ANXA11: variants seen among roughly 807,000 people sequenced by gnomAD.
ANXA11 encodes annexin A11, also known as 56 kDa autoantigen.
ANXA11 carries 57 observed loss-of-function variants against 64.7 expected under a neutral mutation model. The observed-to-expected ratio is 0.88, with a 90% confidence interval of 0.71 to 1.10. The LOEUF is 1.10. Among genes scored for constraint, ANXA11 ranks in the 50% least tolerant of loss-of-function variants. The pLI is 0.00. For synonymous variants in ANXA11, 260 were observed against 265.2 expected, an observed-to-expected ratio of 0.98 and a Z score of 0.19; for missense variants, 675 against 670.7, an observed-to-expected ratio of 1.01 and a Z score of -0.07.
intron 8 of ANXA11, among the ~76,000 whole-genome samples, chr10:80,164,920 T>C (rs569085193): frequency 4.6e-5 from 7 of 152,352 alleles, no homozygotes; most frequent in Admixed American, 4.6e-4. Flanking sequence ...ATTGGGTTAC[T>C]ACACGTTAGC....
chr10:80,165,125 G>A (rs372111479), intron 8 of ANXA11, among the ~76,000 whole-genome samples: 2 of 152,158 alleles, frequency 1.3e-5, no homozygotes, highest in East Asian at 1.9e-4. Context: ...CTGGGGCCCC[G>A]GGCCATCGCC....
intron 4 of ANXA11, among the ~76,000 whole-genome samples, chr10:80,169,685 A>G (rs536864399): frequency 2.0e-5 from 3 of 152,236 alleles, no homozygotes; most frequent in African/African-American, 7.2e-5. Context: ...CGTGGGTCCC[A>G]TATGCAGGGT....
intron 8 of ANXA11, 72 bp downstream of exon 8, chr10:80,166,012 A>ACACGCATGCGCGCATGCG (rs1564606124): frequency 2.6e-5 from 24 of 932,340 alleles, no homozygotes; most frequent in African/African-American, 1.0e-4. Flanking sequence ...CTGTGTGTCC[A>ACACGCATGCGCGCATGCG]CACGCATGCG....
intron 1 of ANXA11, among the ~76,000 whole-genome samples, chr10:80,203,736 C>T (rs561760619): frequency 1.8e-4 from 28 of 152,336 alleles, no homozygotes; most frequent in Admixed American, 7.8e-4. Flanking sequence ...TATCCCGTCC[C>T]TCCTGCTGGG....
At position 80,184,250 on chromosome 10, in the gene ANXA11, TGCTCC is replaced by T. The variant is rs1458011927; in HGVS notation, c.-57-8100_-57-8096del. ...AACTTTAAATATAAATACATACAGA[TGCTCC>T]TTGACTTATGATAGGGTTACATCCA... is the stretch of plus-strand genomic sequence containing the variant. On this transcript the variant is annotated intron_variant, in intron 1 of 15. Coordinates refer to ENST00000422982, the MANE Select transcript of ANXA11 (RefSeq NM_145868.2). Among the ~76,000 whole-genome samples, 5 of 152,210 alleles carry T rather than the reference TGCTCC, an allele frequency of 3.3e-5. No homozygotes were observed. In the East Asian group the frequency reaches 9.6e-4, roughly 29 times the overall value.
intron 1 of ANXA11, among the ~76,000 whole-genome samples, chr10:80,183,551 C>T (rs1437763381): frequency 4.6e-5 from 7 of 152,246 alleles, no homozygotes; most frequent in Non-Finnish European, 7.3e-5. Flanking sequence ...TCACATCACA[C>T]GGGTGTGGCG....
At chr10:80,182,191 G>A (rs1846379411) in intron 1 of ANXA11, among the ~76,000 whole-genome samples, 1 of 150,930 alleles carries the variant, frequency 6.6e-6, no homozygotes, top group Non-Finnish European at 1.5e-5. Context: ...CCACTGTGGT[G>A]GGAGTGCTAA....
chr10:80,189,332 T>C (rs1157120605), intron 1 of ANXA11, among the ~76,000 whole-genome samples: 1 of 152,178 alleles, frequency 6.6e-6, no homozygotes, highest in Non-Finnish European at 1.5e-5. Context: ...CATTCACCTC[T>C]AGGGCCACCA....
rs1589414978 is a variant in ANXA11 at position 80,159,175 on chromosome 10, T to C, written c.1201A>G (p.Met401Val). ...CTCTTCTCAATGTCCCGGCCTGTCA[T>C]TCTCTGGTACTCATTGAAAACTATG... ...LVAVFNEYQR[M>V]TGRDIEKSIC... Residue 401 changes from methionine to valine, a missense_variant, in exon 13 of 16, where the codon ATG becomes GTG. Transcript: ENST00000422982. 1 of 1,614,072 alleles carries C rather than the reference T, an allele frequency of 6.2e-7. No individual in the cohort carries two copies. Among genetic ancestry groups the C allele is most frequent in the Non-Finnish European group, 8.5e-7 (1 of 1,179,940 alleles).
chr10:80,153,694 G>A lies in ANXA11; in HGVS notation c.*2159C>T, dbSNP rs1845196071. 1 of 152,372 alleles carries A rather than the reference G, an allele frequency of 6.6e-6. No individual in the cohort carries two copies. Among genetic ancestry groups the A allele is most frequent in the Admixed American group, 6.5e-5 (1 of 15,294 alleles). 9.4% of individuals were successfully genotyped at this position (152,372 alleles called of 1,614,324 possible). A position where few individuals can be genotyped will look rare whatever the true frequency, so the allele number is the denominator to read the frequency against. On this transcript the variant is annotated 3_prime_UTR_variant, in exon 16 of 16. Transcript: ENST00000422982. ...GGAGAGCAGCAGGGATGGGGCTTCAGCTTGGGCTTGAGGCATGGACTCTGA... is the reference window on the plus strand; with the variant it reads ...GGAGAGCAGCAGGGATGGGGCTTCAACTTGGGCTTGAGGCATGGACTCTGA...
At chr10:80,188,698 G>C (rs1055542104) in intron 1 of ANXA11, among the ~76,000 whole-genome samples, 9 of 146,502 alleles carry the variant, frequency 6.1e-5, no homozygotes, top group African/African-American at 2.2e-4. Flanking sequence ...ACCTACCTTG[G>C]ATTACTATGA....
intron 1 of ANXA11, among the ~76,000 whole-genome samples, chr10:80,183,127 G>C (rs1316305699): frequency 1.3e-5 from 2 of 152,204 alleles, no homozygotes; most frequent in Non-Finnish European, 2.9e-5. Flanking sequence ...ACAGTGCCCT[G>C]TGAGTGGCTA....
intron 1 of ANXA11, among the ~76,000 whole-genome samples, chr10:80,191,932 T>C (rs1269346994): frequency 1.3e-5 from 2 of 152,070 alleles, no homozygotes; most frequent in African/African-American, 4.8e-5. Context: ...AGAGAGAGGG[T>C]TGTGGCATGC....
chr10:80,203,382 C>G (rs1468130970), intron 1 of ANXA11, among the ~76,000 whole-genome samples: 1 of 152,092 alleles, frequency 6.6e-6, no homozygotes, highest in African/African-American at 2.4e-5. Flanking sequence ...ATAAAGGCGT[C>G]AGGTGAGGCT....
intron 8 of ANXA11, among the ~76,000 whole-genome samples, chr10:80,165,298 G>T (rs1274503382): frequency 2.0e-5 from 3 of 152,190 alleles, no homozygotes; most frequent in African/African-American, 7.2e-5. Flanking sequence ...GCTCCTTCTG[G>T]GCTCCAGCCT....
intron 1 of ANXA11, among the ~76,000 whole-genome samples, chr10:80,204,407 T>A (rs1840583840): frequency 6.6e-6 from 1 of 152,206 alleles, no homozygotes; most frequent in Non-Finnish European, 1.5e-5. Flanking sequence ...GCAAACCTAG[T>A]CCCTGTTGCG....
At chr10:80,180,152 A>T (rs1357543360) in intron 1 of ANXA11, among the ~76,000 whole-genome samples, 1 of 152,198 alleles carries the variant, frequency 6.6e-6, no homozygotes, top group Non-Finnish European at 1.5e-5. Flanking sequence ...CTAACACAGG[A>T]ATCTAGAAAT....
intron 1 of ANXA11, among the ~76,000 whole-genome samples, chr10:80,186,786 G>A (rs115085537): frequency 6.6e-6 from 1 of 152,192 alleles, no homozygotes; most frequent in Admixed American, 6.5e-5. Flanking sequence ...ATACAACGCA[G>A]ACCGAGAGCA....
intron 1 of ANXA11, among the ~76,000 whole-genome samples, chr10:80,187,569 A>T (rs113616429): frequency 0.14 from 16,977 of 118,760 alleles, 1,123 homozygotes; most frequent in Middle Eastern, 0.22. Flanking sequence ...ACACACACAC[A>T]CTCTCTCTCT....
Sources: gnomAD v4.1 joint callset for allele counts (sites outside exome capture counted in the v4.1 genomes callset) on GRCh38, gnomAD v4.1.1 for gene constraint, MANE v1.5 for transcripts, NCBI Gene and HGNC (gene_info 2026-07-23, HGNC 2026-07-21) for gene names.